The following NLK variants were observed in gnomAD, a reference collection of about 807,000 sequenced individuals.
The protein encoded by NLK is serine/threonine-protein kinase NLK.
A neutral mutation model predicts 59.0 loss-of-function variants in NLK; 11 were observed. That is an observed-to-expected ratio of 0.19 (90% CI 0.12 to 0.31). The LOEUF is 0.31. NLK is among the 10% of genes least tolerant of loss of function. The pLI is 1.00. For synonymous variants in NLK, 235 were observed against 235.9 expected, an observed-to-expected ratio of 1.00 and a Z score of 0.03; for missense variants, 410 against 661.1, an observed-to-expected ratio of 0.62 and a Z score of 4.16.
At chr17:28,198,847 G>A (rs1909550135), downstream of NLK, among the ~76,000 whole-genome samples, 1 of 152,188 alleles carries the variant, frequency 6.6e-6, no homozygotes, top group Non-Finnish European at 1.5e-5. Flanking sequence ...ACCACTGTCA[G>A]GTAATCCATC....
chr17:28,185,092 G>C (rs1909063863), intron 7 of NLK, 87 bp from the exon 8 acceptor site: 2 of 688,646 alleles, frequency 2.9e-6, no homozygotes, highest in Non-Finnish European at 4.7e-6. Context: ...TTTGAACTGA[G>C]TACTTACCTT....
intron 1 of NLK, among the ~76,000 whole-genome samples, chr17:28,051,582 CT>C (rs1209763139): frequency 3.3e-5 from 5 of 151,616 alleles, no homozygotes; most frequent in African/African-American, 1.2e-4. Flanking sequence ...TGGTCTCGAT[CT>C]CTTGACCTCG....
At chr17:28,143,193 G>A (rs1907083923) in intron 3 of NLK, among the ~76,000 whole-genome samples, 1 of 151,842 alleles carries the variant, frequency 6.6e-6, no homozygotes, top group African/African-American at 2.4e-5. Flanking sequence ...ACAGGCACAT[G>A]CCAGCACACC....
chr17:28,087,584 C>T (rs1037761381), intron 1 of NLK, among the ~76,000 whole-genome samples: 5 of 152,012 alleles, frequency 3.3e-5, no homozygotes, highest in Admixed American at 6.6e-5. Flanking sequence ...TAAGAGCATA[C>T]GGGCATATTT....
intron 1 of NLK, among the ~76,000 whole-genome samples, chr17:28,053,069 C>G (rs1412912598): frequency 2.6e-5 from 4 of 151,998 alleles, no homozygotes; most frequent in African/African-American, 4.8e-5. Flanking sequence ...AGCCACCGCA[C>G]CTGGCCTCTC....
intron 1 of NLK, among the ~76,000 whole-genome samples, chr17:28,049,429 G>T (rs918777637): frequency 5.3e-5 from 8 of 152,136 alleles, no homozygotes; most frequent in African/African-American, 1.9e-4. Flanking sequence ...CTTCGCTGTG[G>T]ACCAGCACTT....
chr17:28,163,395 G>T (rs755824202), intron 4 of NLK, 148 bp from the exon 5 acceptor site: 20 of 560,038 alleles, frequency 3.6e-5, no homozygotes, highest in Non-Finnish European at 5.4e-5. Context: ...GGTATTTTGA[G>T]GTGGGACTAG....
chr17:28,043,083 GGCAGCTGCGGCAGCC>G lies in NLK; in HGVS notation c.216_230del (p.Ala79_Ala83del), dbSNP rs745832011. ...ACCCTGTACAGCAGCACACCTCTTCGGCAGCTGCGGCAGCCGCAGCAGCGGCTGCAGCTGCAGCCA... is the reference window on the plus strand; with the variant it reads ...ACCCTGTACAGCAGCACACCTCTTCGGCAGCAGCGGCTGCAGCTGCAGCCA... On this transcript the variant is annotated inframe_deletion, in exon 1 of 11. Coordinates refer to ENST00000407008, the MANE Select transcript of NLK (RefSeq NM_016231.5). The G allele has an allele frequency of 2.5e-6, 4 of 1,572,542 alleles. No homozygotes were observed. Among genetic ancestry groups the G allele is most frequent in the African/African-American group, 2.7e-5 (2 of 73,630 alleles).
intron 3 of NLK, among the ~76,000 whole-genome samples, chr17:28,144,844 G>A (rs1256020239): frequency 6.6e-6 from 1 of 152,178 alleles, no homozygotes; most frequent in Non-Finnish European, 1.5e-5. Context: ...TGGTGAATCA[G>A]TGGGGCTTTT....
intron 3 of NLK, among the ~76,000 whole-genome samples, chr17:28,136,950 CA>C (rs67290939): frequency 0.018 from 1,487 of 80,632 alleles, 17 homozygotes; most frequent in African/African-American, 0.066. Context: ...GTAGCCAAAG[CA>C]AAAAAAAAAA....
At chr17:28,061,455 G>C (rs146564306) in intron 1 of NLK, among the ~76,000 whole-genome samples, 30 of 152,218 alleles carry the variant, frequency 2.0e-4, no homozygotes, top group African/African-American at 6.3e-4. Flanking sequence ...ACGTGAATTT[G>C]AGAGTAATAT....
chr17:28,068,094 G>A (rs1203550459), intron 1 of NLK, among the ~76,000 whole-genome samples: 2 of 150,720 alleles, frequency 1.3e-5, no homozygotes, highest in African/African-American at 4.9e-5. Flanking sequence ...TAAGCCGAGA[G>A]GGAGCCACCA....
chr17:28,157,195 A>G (rs1359669503), intron 3 of NLK, among the ~76,000 whole-genome samples: 1 of 147,122 alleles, frequency 6.8e-6, no homozygotes, highest in Non-Finnish European at 1.5e-5. Context: ...TCTTAAAAAA[A>G]AAATTTTTTT....
intron 1 of NLK, among the ~76,000 whole-genome samples, chr17:28,055,093 T>C (rs947603832): frequency 1.3e-5 from 2 of 151,302 alleles, no homozygotes; most frequent in African/African-American, 4.9e-5. Flanking sequence ...GGATTTTTTT[T>C]TCTTTTTTTT....
intron 1 of NLK, among the ~76,000 whole-genome samples, chr17:28,114,603 G>T (rs1834564690): frequency 6.6e-6 from 1 of 152,084 alleles, no homozygotes; most frequent in Admixed American, 6.5e-5. Context: ...AGTGCTTTTT[G>T]TGTTCAATTG....
At chr17:28,052,211 TAA>T (rs982282049) in intron 1 of NLK, among the ~76,000 whole-genome samples, 4 of 152,346 alleles carry the variant, frequency 2.6e-5, no homozygotes, top group Middle Eastern at 3.4e-3. Flanking sequence ...TAGTTTCTTA[TAA>T]GTCTTACAAT....
At chr17:28,167,853 T>G (rs934163275) in intron 5 of NLK, among the ~76,000 whole-genome samples, 3 of 151,804 alleles carry the variant, frequency 2.0e-5, no homozygotes, top group African/African-American at 7.3e-5. Context: ...TAAAGTCGTT[T>G]ACGTTCACCT....
At chr17:28,077,173 C>T (rs1910198862) in intron 1 of NLK, among the ~76,000 whole-genome samples, 1 of 149,218 alleles carries the variant, frequency 6.7e-6, no homozygotes, top group African/African-American at 2.5e-5. Context: ...TGTTTGCCAC[C>T]TGTATTAGTC....
At chr17:28,182,813 G>C (rs1027219389) in intron 7 of NLK, among the ~76,000 whole-genome samples, 4 of 152,022 alleles carry the variant, frequency 2.6e-5, no homozygotes, top group African/African-American at 9.7e-5. Context: ...CTGCAGAAGA[G>C]ATCAGGACCA....
Sources: allele counts gnomAD v4.1 joint callset (sites outside exome capture counted in the v4.1 genomes callset), GRCh38; gene constraint gnomAD v4.1.1; transcripts MANE v1.5; gene names NCBI Gene and HGNC (gene_info 2026-07-23, HGNC 2026-07-21).